Variants in NIBAN1 observed in about 807,000 individuals in gnomAD.
The protein encoded by NIBAN1 is protein Niban 1.
NIBAN1 carries 81 observed loss-of-function variants against 75.1 expected under a neutral mutation model. That is an observed-to-expected ratio of 1.08 (90% CI 0.90 to 1.30). NIBAN1 has a LOEUF of 1.30. Ranked by LOEUF, NIBAN1 falls within the 50% of genes most tolerant of loss-of-function variation. The pLI is 0.00. For missense variants in NIBAN1, 1,133 were observed against 1,128.1 expected, an observed-to-expected ratio of 1.00 and a Z score of -0.06; for synonymous variants, 436 against 424.8, an observed-to-expected ratio of 1.03 and a Z score of -0.32.
chr1:184,908,927 A>C (rs944763629), intron 1 of NIBAN1, among the ~76,000 whole-genome samples: 1 of 152,228 alleles, frequency 6.6e-6, no homozygotes, highest in African/African-American at 2.4e-5. Context: ...TTCAGAGAGC[A>C]TCACAGGAAC....
At chr1:184,894,313 A>C (rs906792383) in intron 2 of NIBAN1, 107 bp from the exon 3 acceptor site, 82 of 1,223,696 alleles carry the variant, frequency 6.7e-5, no homozygotes, top group Non-Finnish European at 8.8e-5. Flanking sequence ...ACTATCTTCC[A>C]CTGAGATCCT....
intron 11 of NIBAN1, 108 bp from the exon 12 acceptor site, chr1:184,803,800 G>A (rs1654114326): frequency 1.2e-6 from 1 of 849,886 alleles, no homozygotes; most frequent in Non-Finnish European, 1.9e-6. Context: ...CCTAATGTCT[G>A]AGAACTCTTG....
intron 6 of NIBAN1, among the ~76,000 whole-genome samples, chr1:184,827,831 C>G (rs1281417572): frequency 1.3e-5 from 2 of 151,864 alleles, no homozygotes; most frequent in Admixed American, 6.6e-5. Context: ...CTGGTCCAGG[C>G]CCCTTGCATT....
At chr1:184,916,213 T>G (rs1657378845) in intron 1 of NIBAN1, among the ~76,000 whole-genome samples, 1 of 152,230 alleles carries the variant, frequency 6.6e-6, no homozygotes, top group South Asian at 2.1e-4. Flanking sequence ...TCATTGAAGC[T>G]GATCTGCATA....
chr1:184,891,239 G>C (rs972444547), intron 3 of NIBAN1, among the ~76,000 whole-genome samples: 28 of 152,276 alleles, frequency 1.8e-4, no homozygotes, highest in African/African-American at 6.7e-4. Context: ...AATTCTGGCA[G>C]CCTGACCTAT....
intron 5 of NIBAN1, among the ~76,000 whole-genome samples, chr1:184,845,421 T>C (rs593486): frequency 0.58 from 88,054 of 152,038 alleles, 25,989 homozygotes; most frequent in African/African-American, 0.67. Context: ...ATAACAATTA[T>C]GATGACATTA....
intron 5 of NIBAN1, among the ~76,000 whole-genome samples, chr1:184,876,029 C>T (rs908493123): frequency 4.6e-5 from 7 of 151,910 alleles, no homozygotes; most frequent in Admixed American, 1.3e-4. Context: ...CAAAATTAGC[C>T]GGGCATGGTG....
intron 2 of NIBAN1, 113 bp from the exon 3 acceptor site, chr1:184,894,319 A>G: frequency 8.5e-7 from 1 of 1,172,394 alleles, no homozygotes; most frequent in African/African-American, 1.6e-5. Flanking sequence ...TTCCACTGAG[A>G]TCCTGGGGAA....
chr1:184,886,510 G>A (rs1026214795), intron 4 of NIBAN1, among the ~76,000 whole-genome samples: 20 of 152,154 alleles, frequency 1.3e-4, no homozygotes, highest in African/African-American at 4.8e-4. Flanking sequence ...CTAGACAATG[G>A]GACTTTTACC....
At chr1:184,962,891 T>G (rs182721349) in intron 1 of NIBAN1, among the ~76,000 whole-genome samples, 1 of 152,134 alleles carries the variant, frequency 6.6e-6, no homozygotes, top group Non-Finnish European at 1.5e-5. Flanking sequence ...TTTTTCCTGC[T>G]TTTGAACTAT....
At chr1:184,808,642 C>T (rs1007936296) in intron 9 of NIBAN1, among the ~76,000 whole-genome samples, 2 of 152,136 alleles carry the variant, frequency 1.3e-5, no homozygotes, top group Non-Finnish European at 2.9e-5. Context: ...TCAAAAAACG[C>T]CAGGGAGGTC....
At chr1:184,819,986 A>C (rs1654648808) in intron 8 of NIBAN1, among the ~76,000 whole-genome samples, 1 of 152,236 alleles carries the variant, frequency 6.6e-6, no homozygotes, top group Admixed American at 6.5e-5. Flanking sequence ...TTATTCTGAT[A>C]ATCCAAAATG....
chr1:184,909,154 A>G (rs762923422), intron 1 of NIBAN1, among the ~76,000 whole-genome samples: 2 of 152,216 alleles, frequency 1.3e-5, no homozygotes, highest in Non-Finnish European at 1.5e-5. Flanking sequence ...AAAGATTGCA[A>G]CCATGCAAAT....
intron 1 of NIBAN1, among the ~76,000 whole-genome samples, chr1:184,967,734 A>G (rs1658833458): frequency 1.3e-5 from 2 of 152,236 alleles, no homozygotes; most frequent in African/African-American, 4.8e-5. Flanking sequence ...TCCATAGTAA[A>G]AAGAAGTTTT....
chr1:184,937,145 C>CTTT (rs138240427), intron 1 of NIBAN1, among the ~76,000 whole-genome samples: 935 of 91,984 alleles, frequency 0.01, 3 homozygotes, highest in Non-Finnish European at 0.015. Flanking sequence ...TAGCTGGATT[C>CTTT]TTTTTTTTTT....
At chr1:184,876,551 A>AG (rs1656238723) in intron 5 of NIBAN1, among the ~76,000 whole-genome samples, 1 of 151,860 alleles carries the variant, frequency 6.6e-6, no homozygotes, top group Admixed American at 6.6e-5. Context: ...TGCAAAAAAA[A>AG]TTACCCAGGT....
Position 184,830,082 on chromosome 1 carries a change from ATAG to A in NIBAN1, c.717+1762_717+1764del, listed in dbSNP as rs748206364. 3.9e-5 allele frequency among the ~76,000 whole-genome samples: 6 copies of A among 152,200 alleles called. No homozygotes were observed. The South Asian group carries it at 6.2e-4, about 16-fold the overall frequency. On this transcript the variant is annotated intron_variant, in intron 6 of 13. Coordinates refer to ENST00000367511, the MANE Select transcript of NIBAN1 (RefSeq NM_052966.4). ...CCGGCATAGAGTCAGTGCTCAGTAA[ATAG>A]TAGTTGAATGAATGAGACTAGGCAA...
intron 12 of NIBAN1, among the ~76,000 whole-genome samples, chr1:184,801,966 G>T (rs1413745496): frequency 6.6e-6 from 1 of 152,194 alleles, no homozygotes; most frequent in Non-Finnish European, 1.5e-5. Context: ...TATCTCTGAA[G>T]GTAGGTGTTG....
chr1:184,827,092 A>T (rs1021786773), intron 6 of NIBAN1, among the ~76,000 whole-genome samples: 1 of 152,068 alleles, frequency 6.6e-6, no homozygotes, highest in Non-Finnish European at 1.5e-5. Context: ...GCCATGTAAG[A>T]TGCGCCTTTC....
Sources: allele counts gnomAD v4.1 joint callset (sites outside exome capture counted in the v4.1 genomes callset), GRCh38; gene constraint gnomAD v4.1.1; transcripts MANE v1.5; gene names NCBI Gene and HGNC (gene_info 2026-07-23, HGNC 2026-07-21).